The following MBNL2 variants were observed in gnomAD, a reference collection of about 807,000 sequenced individuals.
MBNL2 encodes the protein muscleblind like splicing regulator 2.
In MBNL2, 17 loss-of-function variants were observed where a neutral mutation model predicts 41.9. The observed-to-expected ratio is 0.41, with a 90% CI of 0.28 to 0.61. The LOEUF (loss-of-function observed/expected upper bound fraction) is 0.61, where lower values mean the gene tolerates loss of function less well. MBNL2 is among the 20% of genes least tolerant of loss of function. MBNL2 has a pLI of 0.35. For missense variants in MBNL2, 336 were observed against 505.6 expected (o/e 0.66, Z 3.22); for synonymous variants, 195 against 182.9 (o/e 1.07, Z -0.53).
At chr13:97,364,552 T>C (rs1173787101) in intron 7 of MBNL2, among the ~76,000 whole-genome samples, 1 of 152,222 alleles carries the variant, frequency 6.6e-6, no homozygotes. Context: ...GCTTCTGATT[T>C]GGAGAATATC....
intron 2 of MBNL2, among the ~76,000 whole-genome samples, chr13:97,288,023 T>C (rs113182967): frequency 0.057 from 8,482 of 149,922 alleles, 755 homozygotes; most frequent in African/African-American, 0.19. Flanking sequence ...ATCCACCTGC[T>C]TCGGCCTCCC....
the MBNL2 span, among the ~76,000 whole-genome samples, chr13:97,201,664 A>T: frequency 1.3e-5 from 2 of 152,224 alleles, no homozygotes; most frequent in African/African-American, 4.8e-5. Context: ...TATAATCTTC[A>T]GAAGGTTCTA....
chr13:97,381,041 C>T lies in MBNL2; in HGVS notation c.1049-10281C>T, dbSNP rs1027734452. Among the ~76,000 whole-genome samples the T allele has an allele frequency of 9.2e-5, 14 of 152,142 alleles. No homozygotes were observed. In the South Asian group the frequency reaches 2.7e-3, roughly 29 times the overall value. On this transcript the variant is annotated intron_variant, in intron 8 of 8. Coordinates refer to ENST00000679496, the MANE Select transcript of MBNL2 (RefSeq NM_001382683.1). ...TTCCTTTGCACCTAGATTTTACACA[C>T]AATTGAGTGGTTTTTGTTAACCTCT... is the stretch of plus-strand genomic sequence containing the variant.
chr13:97,370,820 A>C (rs1357744609), intron 8 of MBNL2, among the ~76,000 whole-genome samples: 2 of 152,192 alleles, frequency 1.3e-5, no homozygotes, highest in Non-Finnish European at 2.9e-5. Flanking sequence ...AAACAGGTTC[A>C]TGGGTTTCTT....
the MBNL2 span, among the ~76,000 whole-genome samples, chr13:97,200,064 G>A: frequency 6.6e-6 from 1 of 152,220 alleles, no homozygotes; most frequent in East Asian, 1.9e-4. Context: ...ATGAATTGAA[G>A]CCCCATAAAT....
intron 2 of MBNL2, among the ~76,000 whole-genome samples, chr13:97,287,420 G>A (rs951474145): frequency 1.7e-4 from 26 of 152,106 alleles, no homozygotes; most frequent in African/African-American, 5.8e-4. Context: ...TATATTGTGG[G>A]GTACCTAGTG....
At chr13:97,335,693 G>A (rs551716897) in intron 3 of MBNL2, among the ~76,000 whole-genome samples, 5 of 152,156 alleles carry the variant, frequency 3.3e-5, no homozygotes, top group Non-Finnish European at 7.4e-5. Flanking sequence ...AGGAAATGAC[G>A]AGACTGGACA....
rs868687478 is a variant in MBNL2, at chr13:97,342,952, G to A, written c.340-64G>A. On this transcript the variant is annotated intron_variant, in intron 3 of 8. Coordinates refer to ENST00000679496, the MANE Select transcript of MBNL2 (RefSeq NM_001382683.1). Reference sequence around the variant, plus strand: ...AATACATTTTGCTCAAATGACATTTGCTGGTAATTTTTTAAAGTTTTATTC... The same window carrying A: ...AATACATTTTGCTCAAATGACATTTACTGGTAATTTTTTAAAGTTTTATTC... 4.8e-5 allele frequency: 48 copies of A among 999,462 alleles called. No individual in the cohort carries two copies. The Middle Eastern group carries it at 5.0e-3, about 105-fold the overall frequency. 61.9% of individuals were successfully genotyped at this position (999,462 alleles called of 1,614,324 possible).
At chr13:97,162,098 G>A in the MBNL2 span, among the ~76,000 whole-genome samples, 1 of 152,144 alleles carries the variant, frequency 6.6e-6, no homozygotes, top group African/African-American at 2.4e-5. Flanking sequence ...GAGAGAGAAG[G>A]TGGGGAGGTG....
the MBNL2 span, among the ~76,000 whole-genome samples, chr13:97,188,838 C>T: frequency 2.0e-5 from 3 of 152,122 alleles, no homozygotes; most frequent in African/African-American, 7.2e-5. Context: ...TTCCCCCAAC[C>T]CAGCCCTCAT....
chr13:97,155,405 T>C, the MBNL2 span, among the ~76,000 whole-genome samples: 1 of 150,590 alleles, frequency 6.6e-6, no homozygotes, highest in Non-Finnish European at 1.5e-5. Context: ...TTTTTTTTTT[T>C]ATTATTATAC....
rs2060724142 is a variant in MBNL2, at chr13:97,334,607, A to G, written c.339+167A>G. Reference sequence around the variant, plus strand: ...GGAAAATAGGCTTTTAAAAAAATTAATAGAAAAATATTTGTGGAAATAGGA... The same window carrying G: ...GGAAAATAGGCTTTTAAAAAAATTAGTAGAAAAATATTTGTGGAAATAGGA... On this transcript the variant is annotated intron_variant, in intron 3 of 8. Transcript: ENST00000679496. The surrounding 1 kb of genome is among the most constrained non-coding windows in gnomAD (Gnocchi z 5.3). 6.6e-6 allele frequency among the ~76,000 whole-genome samples: 1 copy of G among 152,226 alleles called. No individual in the cohort carries two copies. Among genetic ancestry groups the G allele is most frequent in the Non-Finnish European group, 1.5e-5 (1 of 68,040 alleles).
chr13:97,233,139 A>ATATATATATG (rs2042663356), intron 1 of MBNL2, among the ~76,000 whole-genome samples: 3 of 72,780 alleles, frequency 4.1e-5, no homozygotes, highest in African/African-American at 5.6e-5. Context: ...ATATATATAT[A>ATATATATATG]TATATATATA....
At chr13:97,182,736 A>G in the MBNL2 span, among the ~76,000 whole-genome samples, 1 of 152,188 alleles carries the variant, frequency 6.6e-6, no homozygotes, top group East Asian at 1.9e-4. Context: ...AACAATCAAG[A>G]AGAGGTTATA....
At position 97,253,305 on chromosome 13, in the gene MBNL2, G is replaced by GC. The variant is rs1475178996; in HGVS notation, c.-604-22327_-604-22326insC. On this transcript the variant is annotated intron_variant, in intron 1 of 8. Coordinates refer to ENST00000679496, the MANE Select transcript of MBNL2 (RefSeq NM_001382683.1). ...TATTAAACTCTGTGCTTGAAGCAAA[G>GC]AAATGAAAAAGTATAGTCCCAACCC... is the stretch of plus-strand genomic sequence containing the variant. Among the ~76,000 whole-genome samples, 14 of 152,110 alleles carry GC rather than the reference G, an allele frequency of 9.2e-5. No homozygotes were observed. In the South Asian group the frequency reaches 1.2e-3, roughly 14 times the overall value.
intron 2 of MBNL2, among the ~76,000 whole-genome samples, chr13:97,299,462 G>T (rs60961843): frequency 0.075 from 11,453 of 152,042 alleles, 677 homozygotes; most frequent in African/African-American, 0.16. Flanking sequence ...ATTAAATTCT[G>T]AAAGATTCAC....
At chr13:97,300,829 C>A (rs531258143) in intron 2 of MBNL2, among the ~76,000 whole-genome samples, 1 of 152,156 alleles carries the variant, frequency 6.6e-6, no homozygotes. Context: ...CTGTAACTGG[C>A]CTTTTACCCT....
chr13:97,377,307 G>T (rs1303204198), intron 8 of MBNL2, among the ~76,000 whole-genome samples: 1 of 152,160 alleles, frequency 6.6e-6, no homozygotes, highest in African/African-American at 2.4e-5. Flanking sequence ...TGAGGAAAAG[G>T]ACCTAGAGTG....
chr13:97,181,955 G>A, the MBNL2 span, among the ~76,000 whole-genome samples: 1 of 152,178 alleles, frequency 6.6e-6, no homozygotes, highest in Non-Finnish European at 1.5e-5. Flanking sequence ...TGGTTCTAAA[G>A]GCGTAGTACT....
Sources: gnomAD v4.1 joint callset for allele counts (sites outside exome capture counted in the v4.1 genomes callset) on GRCh38, gnomAD v4.1.1 for gene constraint, Gnocchi (gnomAD v3.1) non-coding constraint, MANE v1.5 for transcripts, NCBI Gene and HGNC (gene_info 2026-07-23, HGNC 2026-07-21) for gene names.